Variants in STRBP observed in about 807,000 individuals in gnomAD.
STRBP encodes spermatid perinuclear RNA-binding protein.
A neutral mutation model predicts 80.1 loss-of-function variants in STRBP; 13 were observed. The ratio of observed to expected loss-of-function variants is 0.16; its 90% CI spans 0.11 to 0.26. The LOEUF (loss-of-function observed/expected upper bound fraction) is 0.26, where lower values mean the gene tolerates loss of function less well. Among genes scored for constraint, STRBP ranks in the 10% least tolerant of loss-of-function variants. STRBP has a pLI of 1.00. For synonymous variants in STRBP, 284 were observed against 291.2 expected, an observed-to-expected ratio of 0.98 and a Z score of 0.25; for missense variants, 485 against 815.2, an observed-to-expected ratio of 0.59 and a Z score of 4.93.
chr9:123,200,935 G>T (rs1184244907), intron 2 of STRBP, among the ~76,000 whole-genome samples: 1 of 151,266 alleles, frequency 6.6e-6, no homozygotes, highest in Non-Finnish European at 1.5e-5. Context: ...TCTGTTCAAG[G>T]TTTTATTTCT....
chr9:123,173,599 G>A (rs1337677494), intron 5 of STRBP, 78 bp downstream of exon 5: 4 of 1,465,616 alleles, frequency 2.7e-6, no homozygotes, highest in East Asian at 4.7e-5. Context: ...AGCAATTCTG[G>A]TTAATAATTT....
chr9:123,246,066 A>G (rs2040794036), intron 1 of STRBP, among the ~76,000 whole-genome samples: 1 of 152,228 alleles, frequency 6.6e-6, no homozygotes, highest in Non-Finnish European at 1.5e-5. Context: ...GGATATATTA[A>G]TCTGGCTTTC....
At chr9:123,161,197 C>T (rs1057334635) in intron 6 of STRBP, 129 bp from the exon 7 acceptor site, 6 of 679,956 alleles carry the variant, frequency 8.8e-6, no homozygotes, top group Non-Finnish European at 1.4e-5. Flanking sequence ...CAGAAAATTT[C>T]CTCATTTGGC....
intron 14 of STRBP, among the ~76,000 whole-genome samples, 190 bp downstream of exon 14, chr9:123,139,339 A>G (rs2036491664): frequency 6.6e-6 from 1 of 152,374 alleles, no homozygotes; most frequent in East Asian, 1.9e-4. Context: ...GCATGAAAAG[A>G]TGACTGCCTT....
chr9:123,204,485 T>G (rs141032692), intron 2 of STRBP, among the ~76,000 whole-genome samples: 1 of 152,190 alleles, frequency 6.6e-6, no homozygotes, highest in Non-Finnish European at 1.5e-5. Context: ...AGCACCAGAA[T>G]AGTACATGAC....
rs1015521775 is a variant in STRBP at position 123,123,297 on chromosome 9, C to A, written c.*2300G>T. 2.0e-6 allele frequency: 2 copies of A among 985,270 alleles called. No individual in the cohort carries two copies. Among genetic ancestry groups the A allele is most frequent in the African/African-American group, 3.5e-5 (2 of 57,218 alleles). 61.0% of individuals were successfully genotyped at this position (985,270 alleles called of 1,614,324 possible). On this transcript the variant is annotated 3_prime_UTR_variant, in exon 19 of 19. Transcript: ENST00000348403. ...GAAGCCAAGAGCTTCATTTATATTTCTCTGCTCTTTCAGCTGTAAGTGGAA... is the reference window on the plus strand; with the variant it reads ...GAAGCCAAGAGCTTCATTTATATTTATCTGCTCTTTCAGCTGTAAGTGGAA...
At position 123,122,866 on chromosome 9, in the gene STRBP, G is replaced by A; in HGVS notation, c.*2731C>T. The A allele has an allele frequency of 1.0e-6, 1 of 985,604 alleles. No individual in the cohort carries two copies. The highest frequency in any genetic ancestry group is 1.2e-6 in the Non-Finnish European group (1 of 830,060). 61.1% of individuals were successfully genotyped at this position (985,604 alleles called of 1,614,324 possible). A position where few individuals can be genotyped will look rare whatever the true frequency, so the allele number is the denominator to read the frequency against. On this transcript the variant is annotated 3_prime_UTR_variant, in exon 19 of 19. Transcript: ENST00000348403. The stretch of plus-strand genomic sequence containing the variant: ...CTAATTTTAAGCTCTACACTGACCT[G>A]TAAACTCCCTGACAAGAAACTATGC...
rs111521083 is a variant in STRBP, at chr9:123,176,487, T to A, written c.224+2520A>T. 3.9e-3 allele frequency among the ~76,000 whole-genome samples: 599 copies of A among 152,318 alleles called. 2 individuals carry two copies. The highest frequency in any genetic ancestry group is 0.013 in the African/African-American group (536 of 41,570). ...GTTAAAGTTTGTTAATGATTCTGAGTCACTCTTTTTTTTATAAGCAAGTTT... is the reference window on the plus strand; with the variant it reads ...GTTAAAGTTTGTTAATGATTCTGAGACACTCTTTTTTTTATAAGCAAGTTT... On this transcript the variant is annotated intron_variant, in intron 4 of 18. Transcript: ENST00000348403.
rs574053185 is a variant in STRBP, at chr9:123,155,581, A to G, written c.1045+2431T>C. Among the ~76,000 whole-genome samples the G allele has an allele frequency of 3.9e-5, 6 of 152,326 alleles. No individual in the cohort carries two copies. In the East Asian group the frequency reaches 1.2e-3, roughly 29 times the overall value. ...CACGAGGAGGATGAAGGACTATGCA[A>G]TGGTACTGGAAAAAATGACAAGATT... is the stretch of plus-strand genomic sequence containing the variant. On this transcript the variant is annotated intron_variant, in intron 11 of 18. Transcript: ENST00000348403.
intron 2 of STRBP, among the ~76,000 whole-genome samples, chr9:123,205,508 T>G (rs1391371599): frequency 6.6e-6 from 1 of 152,200 alleles, no homozygotes. Context: ...ACTTAGAATC[T>G]GCAATCCAGT....
chr9:123,120,487 G>A (rs1313120768), downstream of STRBP, among the ~76,000 whole-genome samples: 1 of 45,750 alleles, frequency 2.2e-5, no homozygotes, highest in Admixed American at 2.0e-4. Context: ...GCGGGCGGGG[G>A]GGTGGGGGGG....
chr9:123,141,813 T>C (rs566890834), intron 13 of STRBP, among the ~76,000 whole-genome samples: 245 of 152,270 alleles, frequency 1.6e-3, no homozygotes, highest in Non-Finnish European at 3.1e-3. Flanking sequence ...AACCAAAAAA[T>C]TCAAATCAAA....
chr9:123,198,434 G>A (rs959784029), intron 2 of STRBP, among the ~76,000 whole-genome samples: 18 of 151,862 alleles, frequency 1.2e-4, no homozygotes, highest in East Asian at 1.9e-4. Flanking sequence ...CACGGCGCCC[G>A]GCCTTTTGCC....
chr9:123,203,286 C>T (rs2039392760), intron 2 of STRBP, among the ~76,000 whole-genome samples: 1 of 151,648 alleles, frequency 6.6e-6, no homozygotes, highest in Non-Finnish European at 1.5e-5. Flanking sequence ...TTTGAGGCTG[C>T]CGTGAGCTAT....
downstream of STRBP, among the ~76,000 whole-genome samples, chr9:123,117,556 T>C (rs947080544): frequency 7.1e-6 from 1 of 141,738 alleles, no homozygotes; most frequent in African/African-American, 3.2e-5. Context: ...GCTGGCAGTC[T>C]GCCCTGAGGC....
intron 1 of STRBP, among the ~76,000 whole-genome samples, chr9:123,258,355 G>A (rs2041081017): frequency 1.3e-5 from 2 of 152,194 alleles, no homozygotes; most frequent in Admixed American, 1.3e-4. Flanking sequence ...AACCAGAAAT[G>A]GAGGAGCTGC....
intron 3 of STRBP, among the ~76,000 whole-genome samples, chr9:123,182,100 A>T (rs1029498697): frequency 6.6e-6 from 1 of 151,658 alleles, no homozygotes; most frequent in Non-Finnish European, 1.5e-5. Flanking sequence ...CTACAGTCCC[A>T]GCTACTCAGG....
At chr9:123,116,439 C>T (rs2035646325) in intron 2 of STRBP, among the ~76,000 whole-genome samples, 2 of 152,208 alleles carry the variant, frequency 1.3e-5, no homozygotes, top group South Asian at 2.1e-4. Flanking sequence ...TTAACCCCAA[C>T]TGTGTAGCTG....
chr9:123,224,222 G>C (rs1190523397), intron 2 of STRBP, among the ~76,000 whole-genome samples: 17 of 152,180 alleles, frequency 1.1e-4, no homozygotes, highest in Admixed American at 8.5e-4. Context: ...ACCCACTCAT[G>C]CCTTGTCTAA....
Sources: gnomAD v4.1 joint callset for allele counts (sites outside exome capture counted in the v4.1 genomes callset) on GRCh38, gnomAD v4.1.1 for gene constraint, MANE v1.5 for transcripts, NCBI Gene and HGNC (gene_info 2026-07-23, HGNC 2026-07-21) for gene names.